TDRD12: variants seen among roughly 807,000 people sequenced by gnomAD.
TDRD12 encodes the protein putative ATP-dependent RNA helicase TDRD12.
TDRD12 carries 158 observed loss-of-function variants against 133.5 expected under a neutral mutation model. The observed-to-expected ratio is 1.18, with a 90% CI of 1.04 to 1.35. The LOEUF is 1.35. Among genes scored for constraint, TDRD12 ranks in the 40% most tolerant of loss-of-function variants. The probability of loss-of-function intolerance (pLI) is 0.00; values close to 1 mark genes in which losing one functional copy is unlikely to be tolerated. For missense variants in TDRD12, 1,443 were observed against 1,321.3 expected (o/e 1.09, Z -1.43); for synonymous variants, 460 against 477.9 (o/e 0.96, Z 0.49).
exon 1 of TDRD12, chr19:32,719,830 C>G (rs1260793608): frequency 1.7e-6 from 1 of 578,426 alleles, no homozygotes; most frequent in African/African-American, 1.9e-5. Context: ...GCAGGGATCC[C>G]GCAGCGAGGG....
intron 3 of TDRD12, among the ~76,000 whole-genome samples, chr19:32,739,774 GCT>G (rs1210102343): frequency 2.5e-5 from 3 of 118,778 alleles, no homozygotes; most frequent in African/African-American, 3.3e-5. Context: ...ATCTCCTGGT[GCT>G]CTCTCTGCAT....
intron 27 of TDRD12, among the ~76,000 whole-genome samples, chr19:32,819,004 T>C (rs994548438): frequency 6.6e-6 from 1 of 151,952 alleles, no homozygotes; most frequent in Non-Finnish European, 1.5e-5. Flanking sequence ...GATTCCTAAG[T>C]TCAGCTGAAA....
intron 21 of TDRD12, among the ~76,000 whole-genome samples, chr19:32,807,293 A>G (rs868430598): frequency 1.5e-4 from 22 of 144,736 alleles, no homozygotes; most frequent in Non-Finnish European, 2.3e-4. Context: ...AAAAAAAAAA[A>G]AAAGAAAGTT....
At chr19:32,789,504 A>G (rs1484199296) in intron 11 of TDRD12, among the ~76,000 whole-genome samples, 1 of 152,122 alleles carries the variant, frequency 6.6e-6, no homozygotes, top group Non-Finnish European at 1.5e-5. Context: ...GACATTTCAT[A>G]TCGATGGGCT....
intron 1 of TDRD12, among the ~76,000 whole-genome samples, chr19:32,726,888 C>T (rs1464064629): frequency 2.0e-5 from 3 of 152,104 alleles, no homozygotes; most frequent in Non-Finnish European, 4.4e-5. Flanking sequence ...GTGAATAATG[C>T]TGCTATGAAC....
chr19:32,743,489 C>G (rs1201593178), intron 4 of TDRD12, among the ~76,000 whole-genome samples: 1 of 151,986 alleles, frequency 6.6e-6, no homozygotes, highest in Non-Finnish European at 1.5e-5. Context: ...CTTAAGCGAT[C>G]CTCTCACCTT....
In TDRD12 at chr19:32,814,911, C is replaced by T. The variant is rs570324666; in HGVS notation, c.3142-537C>T. ...CATGGGAGGGACAGCCCCTCCTATA[C>T]CCACACTGCCACCAACAGTGCCAGG... On this transcript the variant is annotated intron_variant, in intron 25 of 27. Transcript: ENST00000444215. Among the ~76,000 whole-genome samples, 4 of 152,316 alleles carry T rather than the reference C, an allele frequency of 2.6e-5. No homozygotes were observed. In the East Asian group the frequency reaches 7.7e-4, roughly 29 times the overall value.
exon 22 of TDRD12, chr19:32,807,576 C>G: frequency 6.5e-7 from 1 of 1,534,796 alleles, no homozygotes. Flanking sequence ...CTGACCGACA[C>G]CGTATTAATC....
In TDRD12 at chr19:32,819,359, T is replaced by C. The variant is rs958058340; in HGVS notation, c.3383+1202T>C. ...AAGATAAACATAGTATGATCTAAAGTTTTTTAGTTTTTTACCTTAATAAAA... is the reference window on the plus strand; with the variant it reads ...AAGATAAACATAGTATGATCTAAAGCTTTTTAGTTTTTTACCTTAATAAAA... On this transcript the variant is annotated intron_variant, in intron 27 of 27. Coordinates refer to ENST00000444215, the Ensembl canonical transcript of TDRD12. Among the ~76,000 whole-genome samples, 8 of 151,738 alleles carry C rather than the reference T, an allele frequency of 5.3e-5. No individual in the cohort carries two copies. The East Asian group carries it at 1.2e-3, about 22-fold the overall frequency.
At position 32,815,619 on chromosome 19, in the gene TDRD12, C is replaced by G. The variant is rs1295300234; in HGVS notation, c.3313C>G (p.Pro1105Ala). 7 of 1,529,288 alleles carry G rather than the reference C, an allele frequency of 4.6e-6. No homozygotes were observed. In the Admixed American group the frequency reaches 1.4e-4, roughly 31 times the overall value. The allele number at this position is 1,529,288 out of a possible 1,614,324, so 94.7% of individuals were successfully genotyped here. Residue 1105 changes from proline to alanine, a missense_variant and splice_region_variant, in exon 26 of 28, where the codon CCG (proline) becomes GCG (alanine). Pro to Ala is a conservative substitution (Grantham distance 27). Transcript: ENST00000444215. ...TTGTGAAGAAAGCCTAAGCCAGACC[C>G]CGTAAGTGGATTTCTGTCTCCTTTT...
intron 21 of TDRD12, among the ~76,000 whole-genome samples, chr19:32,804,294 G>T (rs1477900540): frequency 1.3e-5 from 2 of 150,634 alleles, no homozygotes; most frequent in African/African-American, 4.9e-5. Flanking sequence ...GGATGGTTTT[G>T]ATCTCCTGAC....
intron 8 of TDRD12, among the ~76,000 whole-genome samples, chr19:32,767,575 G>A (rs1673281850): frequency 6.6e-6 from 1 of 152,214 alleles, no homozygotes; most frequent in African/African-American, 2.4e-5. Context: ...GGTCATCAGA[G>A]TCTGTGCTGT....
chr19:32,800,192 A>T, exon 17 of TDRD12: 9 of 1,514,868 alleles, frequency 5.9e-6, no homozygotes, highest in Non-Finnish European at 7.9e-6. Context: ...GATAACTTTA[A>T]AAAAAATATT....
intron 26 of TDRD12, among the ~76,000 whole-genome samples, chr19:32,816,190 C>T (rs1967175397): frequency 6.6e-6 from 1 of 152,092 alleles, no homozygotes. Flanking sequence ...TTGTTGTTAA[C>T]TTTTTCTTGA....
At chr19:32,798,011 C>T (rs1351681371) in intron 15 of TDRD12, 120 bp downstream of exon 15, 1 of 594,166 alleles carries the variant, frequency 1.7e-6, no homozygotes, top group Non-Finnish European at 3.0e-6. Flanking sequence ...TGTGATGACA[C>T]ACTCACAGTC....
At position 32,807,267 on chromosome 19, in the gene TDRD12, T is replaced by TAAAAAAAAAAAAA. The variant is rs59421213; in HGVS notation, c.2553-265_2553-253dup. ...GGGCAACAGAGTGAGACCAAACTCT[T>TAAAAAAAAAAAAA]AAAAAAAAAAAAAAAAAAAAAAAAA... is the stretch of plus-strand genomic sequence containing the variant. On this transcript the variant is annotated intron_variant, in intron 21 of 27. Transcript: ENST00000444215. Among the ~76,000 whole-genome samples the TAAAAAAAAAAAAA allele has an allele frequency of 7.0e-4, 33 of 47,196 alleles. 3 individuals are homozygous for TAAAAAAAAAAAAA. Among genetic ancestry groups the TAAAAAAAAAAAAA allele is most frequent in the East Asian group, 5.2e-3 (6 of 1,146 alleles). 31.0% of individuals were successfully genotyped at this position (47,196 alleles called of 152,430 possible).
At chr19:32,795,485 AAG>A (rs1971199784) in intron 14 of TDRD12, among the ~76,000 whole-genome samples, 1 of 152,106 alleles carries the variant, frequency 6.6e-6, no homozygotes, top group Non-Finnish European at 1.5e-5. Flanking sequence ...GAGGCTCAGG[AAG>A]AGTTACTGGG....
Position 32,798,349 on chromosome 19 carries a change from CT to C in TDRD12, c.1673del (p.Leu558ProfsTer14). The C allele has an allele frequency of 6.5e-7, 1 of 1,535,746 alleles. No individual in the cohort carries two copies. Among genetic ancestry groups the C allele is most frequent in the Non-Finnish European group, 8.7e-7 (1 of 1,146,660 alleles). The stretch of plus-strand genomic sequence containing the variant: ...GACCCCATACAGCCTGCTGAGGCTT[CT>C]CGCCTGTCAGAGCCTGCTGTTCCTC... On this transcript the variant is annotated frameshift_variant, in exon 16 of 28. Transcript: ENST00000444215. LOFTEE classifies it high-confidence loss of function.
intron 1 of TDRD12, among the ~76,000 whole-genome samples, chr19:32,729,673 CATCTTT>C (rs1248286839): frequency 6.6e-6 from 1 of 150,768 alleles, no homozygotes; most frequent in Non-Finnish European, 1.5e-5. Flanking sequence ...CTAACCATCT[CATCTTT>C]AAGTTCTGTA....
Sources: allele counts gnomAD v4.1 joint callset (sites outside exome capture counted in the v4.1 genomes callset), GRCh38; gene constraint gnomAD v4.1.1; transcripts MANE v1.5; gene names NCBI Gene and HGNC (gene_info 2026-07-23, HGNC 2026-07-21).